GRID2: variants seen among roughly 807,000 people sequenced by gnomAD.
GRID2 encodes glutamate receptor ionotropic, delta-2.
GRID2 carries 33 observed loss-of-function variants against 114.8 expected under a neutral mutation model. The observed-to-expected ratio is 0.29, with a 90% CI of 0.22 to 0.38. GRID2 has a LOEUF of 0.38. GRID2 is among the 10% of genes least tolerant of loss of function. The pLI, the probability that GRID2 is intolerant of heterozygous loss-of-function variation, is 1.00. For missense variants in GRID2, 1,184 were observed against 1,257.7 expected (o/e 0.94, Z 0.89); for synonymous variants, 505 against 449.9 (o/e 1.12, Z -1.55).
At chr4:92,315,993 C>CAAAAAAAAAAAAAAAAAAAGA (rs1725951813) in intron 1 of GRID2, among the ~76,000 whole-genome samples, 2 of 61,916 alleles carry the variant, frequency 3.2e-5, no homozygotes. Flanking sequence ...AAACAAAAAG[C>CAAAAAAAAAAAAAAAAAAAGA]AAAAAAAAAA....
chr4:93,706,019 A>C (rs1358936400), intron 14 of GRID2, among the ~76,000 whole-genome samples: 1 of 152,040 alleles, frequency 6.6e-6, no homozygotes, highest in Non-Finnish European at 1.5e-5. Flanking sequence ...TGGGTTCTCT[A>C]TTCTGTACCA....
chr4:92,421,602 T>G (rs896499762), intron 1 of GRID2, among the ~76,000 whole-genome samples: 4 of 152,106 alleles, frequency 2.6e-5, no homozygotes, highest in African/African-American at 7.2e-5. Flanking sequence ...GCTGCTGTTA[T>G]TCAAACAGGA....
intron 2 of GRID2, among the ~76,000 whole-genome samples, chr4:92,611,632 A>T (rs960924435): frequency 6.6e-6 from 1 of 151,568 alleles, no homozygotes; most frequent in East Asian, 1.9e-4. Flanking sequence ...TTACCTTCTT[A>T]TGTAACTGGA....
intron 8 of GRID2, among the ~76,000 whole-genome samples, chr4:93,247,393 T>C (rs1232233128): frequency 6.6e-6 from 1 of 152,154 alleles, no homozygotes; most frequent in Non-Finnish European, 1.5e-5. Context: ...CATCATCCAA[T>C]CTGTTGGGGA....
chr4:93,031,520 C>T (rs1453968080), intron 2 of GRID2, among the ~76,000 whole-genome samples: 1 of 152,136 alleles, frequency 6.6e-6, no homozygotes, highest in Non-Finnish European at 1.5e-5. Flanking sequence ...TTGTAGCTCC[C>T]ATAATTCCTA....
intron 1 of GRID2, among the ~76,000 whole-genome samples, chr4:92,471,471 A>G (rs1296951975): frequency 6.6e-6 from 1 of 151,996 alleles, no homozygotes; most frequent in Non-Finnish European, 1.5e-5. Context: ...CTTTTTTCCC[A>G]TTATGTTTTC....
At chr4:92,340,176 A>G (rs181376125) in intron 1 of GRID2, among the ~76,000 whole-genome samples, 21 of 152,134 alleles carry the variant, frequency 1.4e-4, no homozygotes, top group African/African-American at 4.6e-4. Context: ...TAAAAGTGGT[A>G]TCTCCTTTCT....
intron 8 of GRID2, among the ~76,000 whole-genome samples, chr4:93,303,590 C>T (rs181171172): frequency 6.6e-6 from 1 of 152,274 alleles, no homozygotes; most frequent in East Asian, 1.9e-4. Context: ...GGCGCAGGAG[C>T]CAATGCTAAG....
At chr4:93,247,770 A>G (rs1318155313) in intron 8 of GRID2, among the ~76,000 whole-genome samples, 1 of 151,784 alleles carries the variant, frequency 6.6e-6, no homozygotes, top group African/African-American at 2.4e-5. Context: ...TTATATATAC[A>G]TATATTCCCC....
At chr4:93,000,365 A>G (rs1755464733) in intron 2 of GRID2, among the ~76,000 whole-genome samples, 1 of 151,634 alleles carries the variant, frequency 6.6e-6, no homozygotes, top group Admixed American at 6.6e-5. Flanking sequence ...GCTGAGAATT[A>G]TTGAATACCA....
chr4:92,552,487 G>C (rs1195676364), intron 1 of GRID2, among the ~76,000 whole-genome samples: 1 of 152,124 alleles, frequency 6.6e-6, no homozygotes, highest in African/African-American at 2.4e-5. Flanking sequence ...ACTGCAAAAT[G>C]GTGTGAAGTA....
At chr4:92,495,145 A>T (rs925631178) in intron 1 of GRID2, among the ~76,000 whole-genome samples, 2 of 151,986 alleles carry the variant, frequency 1.3e-5, no homozygotes, top group Admixed American at 6.6e-5. Context: ...AATTCTCCTC[A>T]CGAGAGAGTG....
At chr4:93,616,077 C>T (rs1456099791) in intron 13 of GRID2, among the ~76,000 whole-genome samples, 1 of 152,118 alleles carries the variant, frequency 6.6e-6, no homozygotes, top group Non-Finnish European at 1.5e-5. Flanking sequence ...TAGTTATCTC[C>T]TTCCATCTCT....
chr4:92,473,464 G>A (rs1722142408), intron 1 of GRID2, among the ~76,000 whole-genome samples: 1 of 152,016 alleles, frequency 6.6e-6, no homozygotes, highest in Non-Finnish European at 1.5e-5. Flanking sequence ...GATAATAGAA[G>A]TGGGAATAGT....
intron 1 of GRID2, among the ~76,000 whole-genome samples, chr4:92,396,971 T>C (rs1415379880): frequency 6.6e-6 from 1 of 152,078 alleles, no homozygotes; most frequent in Non-Finnish European, 1.5e-5. Flanking sequence ...ATTTGAAATA[T>C]AAAAATCAAT....
At chr4:93,381,497 C>T (rs976035475) in intron 8 of GRID2, among the ~76,000 whole-genome samples, 4 of 152,034 alleles carry the variant, frequency 2.6e-5, no homozygotes, top group African/African-American at 7.2e-5. Context: ...TTGCTTCCTG[C>T]GTGACTGTCT....
At chr4:93,588,793 A>C (rs1444172917) in intron 13 of GRID2, among the ~76,000 whole-genome samples, 1 of 152,176 alleles carries the variant, frequency 6.6e-6, no homozygotes, top group Non-Finnish European at 1.5e-5. Context: ...CCTGACAACA[A>C]GATAAATTTG....
At chr4:93,044,788 G>T (rs531175733) in intron 2 of GRID2, among the ~76,000 whole-genome samples, 1 of 152,136 alleles carries the variant, frequency 6.6e-6, no homozygotes, top group Admixed American at 6.6e-5. Flanking sequence ...GCAACCTTGT[G>T]TATGCTTCAG....
rs138480874 is a variant in GRID2, at chr4:92,846,532, C to T, written c.245-238463C>T. Among the ~76,000 whole-genome samples the T allele has an allele frequency of 5.9e-3, 898 of 152,196 alleles. 15 individuals are homozygous for T. The highest frequency in any genetic ancestry group is 0.021 in the African/African-American group (852 of 41,536). ...CTATGTAATATCCCTTTGCTTACAG[C>T]TTGATCTCTTCAGACCTTGCTTTTA... On this transcript the variant is annotated intron_variant, in intron 2 of 15. Coordinates refer to ENST00000282020, the MANE Select transcript of GRID2 (RefSeq NM_001510.4).
Sources: allele counts gnomAD v4.1 joint callset (sites outside exome capture counted in the v4.1 genomes callset), GRCh38; gene constraint gnomAD v4.1.1; transcripts MANE v1.5; gene names NCBI Gene and HGNC (gene_info 2026-07-23, HGNC 2026-07-21).